The following FAM83B variants were observed in gnomAD, a reference collection of about 807,000 sequenced individuals.
FAM83B encodes scaffolding CK1 anchoring protein B, also known as protein FAM83B.
FAM83B carries 26 observed loss-of-function variants against 38.8 expected under a neutral mutation model. That is an observed-to-expected ratio of 0.67 (90% CI 0.49 to 0.93). The LOEUF is 0.93. Ranked by LOEUF, FAM83B falls within the 40% of genes least tolerant of loss-of-function variation. FAM83B has a pLI of 0.00. For synonymous variants in FAM83B, 419 were observed against 423.1 expected, an observed-to-expected ratio of 0.99 and a Z score of 0.12; for missense variants, 1,237 against 1,197.3, an observed-to-expected ratio of 1.03 and a Z score of -0.49.
intron 2 of FAM83B, among the ~76,000 whole-genome samples, chr6:54,919,825 T>C (rs1480191221): frequency 1.3e-5 from 2 of 152,014 alleles, no homozygotes. Flanking sequence ...AGTGAATGAA[T>C]GGTTATTGAA....
intron 1 of FAM83B, among the ~76,000 whole-genome samples, chr6:54,868,094 T>G (rs1771760691): frequency 6.6e-6 from 1 of 152,202 alleles, no homozygotes. Flanking sequence ...TAATTTTTTT[T>G]GCTAACAATG....
At chr6:54,903,635 C>A (rs531457762) in intron 2 of FAM83B, among the ~76,000 whole-genome samples, 3 of 152,182 alleles carry the variant, frequency 2.0e-5, no homozygotes, top group Admixed American at 2.0e-4. Flanking sequence ...TATTTCCTAA[C>A]TACATTAATA....
chr6:54,874,574 A>T (rs2127576356), intron 2 of FAM83B, among the ~76,000 whole-genome samples: 1 of 152,248 alleles, frequency 6.6e-6, no homozygotes, highest in Middle Eastern at 3.4e-3. Flanking sequence ...CTCTTATGAA[A>T]ACATCCCCTC....
At position 54,944,679 on chromosome 6, in the gene FAM83B, T is replaced by A. The variant is rs1361475434; in HGVS notation, c.*2672T>A. On this transcript the variant is annotated 3_prime_UTR_variant, in exon 5 of 5. Coordinates refer to ENST00000306858, the MANE Select transcript of FAM83B (RefSeq NM_001010872.3). ...TACTCAAGATCCACATATTCAAGTA[T>A]CATTCCACAGATATTCACAGAACAC... The A allele has an allele frequency of 6.6e-6, 1 of 152,200 alleles. No homozygotes were observed. The highest frequency in any genetic ancestry group is 1.5e-5 in the Non-Finnish European group (1 of 68,034). 9.4% of individuals were successfully genotyped at this position (152,200 alleles called of 1,614,324 possible).
At chr6:54,927,703 A>T in intron 4 of FAM83B, 71 bp downstream of exon 4, 1 of 1,048,616 alleles carries the variant, frequency 9.5e-7, no homozygotes, top group East Asian at 3.1e-5. Flanking sequence ...ATTTTAATAT[A>T]ATCAGTTAAG....
At chr6:54,910,465 A>G (rs1371411941) in intron 2 of FAM83B, among the ~76,000 whole-genome samples, 1 of 152,074 alleles carries the variant, frequency 6.6e-6, no homozygotes, top group African/African-American at 2.4e-5. Flanking sequence ...GGCTAATGCC[A>G]TGGACTGCAT....
rs1017082664 is a variant in FAM83B at position 54,876,497 on chromosome 6, G to A, written c.444+5807G>A. ...CCATCACCACGCCCGGCTCATTTTT[G>A]TATTTTCAGTAGAGACAGGGTTTCG... On this transcript the variant is annotated intron_variant, in intron 2 of 4. Coordinates refer to ENST00000306858, the MANE Select transcript of FAM83B (RefSeq NM_001010872.3). Among the ~76,000 whole-genome samples the A allele has an allele frequency of 2.7e-5, 4 of 150,888 alleles. No individual in the cohort carries two copies. In the South Asian group the frequency reaches 6.3e-4, roughly 24 times the overall value.
chr6:54,872,722 T>C (rs1771888258), intron 2 of FAM83B, among the ~76,000 whole-genome samples: 1 of 152,204 alleles, frequency 6.6e-6, no homozygotes, highest in Non-Finnish European at 1.5e-5. Context: ...CTAAAAGTAA[T>C]ATCTTCTACC....
At chr6:54,863,908 A>G (rs1299261292) in intron 1 of FAM83B, among the ~76,000 whole-genome samples, 1 of 152,192 alleles carries the variant, frequency 6.6e-6, no homozygotes, top group Non-Finnish European at 1.5e-5. Context: ...AGAATACGTC[A>G]CTTTGGTATG....
At chr6:54,922,934 C>T (rs73742866) in intron 2 of FAM83B, among the ~76,000 whole-genome samples, 2,183 of 152,094 alleles carry the variant, frequency 0.014, 53 homozygotes, top group African/African-American at 0.049. Flanking sequence ...CAACATTATT[C>T]ATCTGACTAC....
chr6:54,935,711 A>G (rs1469226996), intron 4 of FAM83B, among the ~76,000 whole-genome samples: 1 of 152,134 alleles, frequency 6.6e-6, no homozygotes, highest in Admixed American at 6.6e-5. Context: ...CTGTTGATTG[A>G]AAAATGAGCA....
At chr6:54,913,611 T>C (rs1256637390) in intron 2 of FAM83B, among the ~76,000 whole-genome samples, 2 of 150,992 alleles carry the variant, frequency 1.3e-5, no homozygotes, top group Non-Finnish European at 3.0e-5. Flanking sequence ...AAAGAGAAAA[T>C]TTAGCAAGAA....
chr6:54,879,234 G>T (rs1772068662), intron 2 of FAM83B, among the ~76,000 whole-genome samples: 1 of 152,182 alleles, frequency 6.6e-6, no homozygotes, highest in South Asian at 2.1e-4. Context: ...CTGACTTGGA[G>T]AACAGTCCTG....
chr6:54,873,683 G>C (rs530532150), intron 2 of FAM83B, among the ~76,000 whole-genome samples: 1 of 143,848 alleles, frequency 7.0e-6, no homozygotes, highest in African/African-American at 2.5e-5. Flanking sequence ...ATATTTTAAT[G>C]GATAAAGTTT....
At chr6:54,875,542 G>A (rs7382364) in intron 2 of FAM83B, among the ~76,000 whole-genome samples, 43,458 of 152,068 alleles carry the variant, frequency 0.29, 8,227 homozygotes, top group East Asian at 0.82. Flanking sequence ...GGGACATTAA[G>A]TTGAACATTT....
At chr6:54,934,429 G>T (rs958362340) in intron 4 of FAM83B, among the ~76,000 whole-genome samples, 1 of 152,102 alleles carries the variant, frequency 6.6e-6, no homozygotes, top group Non-Finnish European at 1.5e-5. Flanking sequence ...AACTTTACAG[G>T]AGAATCCCCG....
At chr6:54,872,293 C>T (rs372874358) in intron 2 of FAM83B, among the ~76,000 whole-genome samples, 1 of 152,020 alleles carries the variant, frequency 6.6e-6, no homozygotes, top group Non-Finnish European at 1.5e-5. Context: ...TTTTAAACAG[C>T]GCTATCTTAG....
chr6:54,920,395 C>T (rs950082924), intron 2 of FAM83B, among the ~76,000 whole-genome samples: 5 of 151,872 alleles, frequency 3.3e-5, no homozygotes, highest in Admixed American at 3.3e-4. Flanking sequence ...ATAAATCCTC[C>T]TATCTCTATT....
At chr6:54,917,723 G>A (rs1317354341) in intron 2 of FAM83B, among the ~76,000 whole-genome samples, 6 of 151,924 alleles carry the variant, frequency 3.9e-5, no homozygotes, top group Non-Finnish European at 4.4e-5. Flanking sequence ...TTACACATTC[G>A]GTTATAGTGC....
Sources: allele counts gnomAD v4.1 joint callset (sites outside exome capture counted in the v4.1 genomes callset), GRCh38; gene constraint gnomAD v4.1.1; transcripts MANE v1.5; gene names NCBI Gene and HGNC (gene_info 2026-07-23, HGNC 2026-07-21).